Variants in TG observed in about 807,000 individuals in gnomAD.
TG encodes thyroid hormones.
TG carries 270 observed loss-of-function variants against 324.7 expected under a neutral mutation model. That is an observed-to-expected ratio of 0.83 (90% CI 0.75 to 0.92). TG has a LOEUF of 0.92. TG is among the 40% of genes least tolerant of loss of function. The pLI is 0.00. For missense variants in TG, 3,591 were observed against 3,456.4 expected (o/e 1.04, Z -0.98); for synonymous variants, 1,401 against 1,327.0 (o/e 1.06, Z -1.21).
intron 43 of TG, among the ~76,000 whole-genome samples, chr8:133,112,989 A>G (rs1850386751): frequency 6.6e-6 from 1 of 152,174 alleles, no homozygotes; most frequent in African/African-American, 2.4e-5. Flanking sequence ...GAGTCCATGA[A>G]TGAAACTGAA....
chr8:133,079,384 G>A (rs1228894451), intron 41 of TG, among the ~76,000 whole-genome samples: 1 of 152,204 alleles, frequency 6.6e-6, no homozygotes, highest in South Asian at 2.1e-4. Context: ...CTACGCTGTG[G>A]TCATCACCTT....
intron 43 of TG, among the ~76,000 whole-genome samples, chr8:133,097,081 C>G (rs1387619635): frequency 6.6e-6 from 1 of 152,212 alleles, no homozygotes; most frequent in Non-Finnish European, 1.5e-5. Flanking sequence ...ACAGGGAAGC[C>G]CAGTGTGCAT....
At chr8:132,935,917 G>C (rs930792965) in intron 25 of TG, 53 bp downstream of exon 25, 3 of 1,429,082 alleles carry the variant, frequency 2.1e-6, no homozygotes, top group Non-Finnish European at 2.9e-6. Flanking sequence ...ACACGGTCAT[G>C]TTTGGAGCTG....
Position 133,019,648 on chromosome 8 carries a change from G to T in TG, c.6829G>T (p.Val2277Phe). ...PGTRTSTSPGVSEDCLYLNVF... is the reference protein window; with the variant it reads ...PGTRTSTSPGFSEDCLYLNVF... ...CACCAGAACATCCACGTCTCCTGGA[G>T]TCAGTGAAGATTGTTTGTATCTCAA... The change falls in exon 39 of 48, where the codon GTC becomes TTC. Residue 2277 changes from valine (V) to phenylalanine (F), a missense_variant. Transcript: ENST00000220616. 1 of 1,613,876 alleles carries T rather than the reference G, an allele frequency of 6.2e-7. No homozygotes were observed. The highest frequency in any genetic ancestry group is 1.1e-5 in the South Asian group (1 of 91,052).
intron 3 of TG, among the ~76,000 whole-genome samples, chr8:132,871,147 C>T (rs1356536942): frequency 2.6e-5 from 4 of 152,174 alleles, no homozygotes; most frequent in East Asian, 3.9e-4. Flanking sequence ...GTGGCACCAG[C>T]GAGATCAGCC....
chr8:132,994,324 C>T (rs1488373368), intron 35 of TG, among the ~76,000 whole-genome samples: 1 of 152,102 alleles, frequency 6.6e-6, no homozygotes, highest in Admixed American at 6.5e-5. Flanking sequence ...ATATCTTTTT[C>T]AGGGGTGTTC....
intron 43 of TG, chr8:133,102,400 C>T: frequency 1.6e-6 from 1 of 635,664 alleles, no homozygotes; most frequent in Non-Finnish European, 2.8e-6. Flanking sequence ...AGCTACTCAC[C>T]ACCAGCAGAG....
chr8:132,935,033 A>T lies in TG; in HGVS notation c.4933-723A>T, dbSNP rs185047604. ...ATAACTGACAGTCCAAAAATTACTG[A>T]ATTACTGAACCTAGTTCTGAAAACA... On this transcript the variant is annotated intron_variant, in intron 24 of 47. Coordinates refer to ENST00000220616, the MANE Select transcript of TG (RefSeq NM_003235.5). Among the ~76,000 whole-genome samples, 236 of 152,168 alleles carry T rather than the reference A, an allele frequency of 1.6e-3. 1 individual carries two copies. Among genetic ancestry groups the T allele is most frequent in the Non-Finnish European group, 7.9e-4 (54 of 68,006 alleles).
chr8:133,090,745 G>C (rs1847373817), intron 41 of TG, among the ~76,000 whole-genome samples: 1 of 152,130 alleles, frequency 6.6e-6, no homozygotes, highest in East Asian at 1.9e-4. Flanking sequence ...CATTTTACAG[G>C]TTAGGAACTG....
chr8:132,971,902 T>G (rs1829574737), intron 33 of TG, 29 bp downstream of exon 33: 1 of 1,419,486 alleles, frequency 7.0e-7, no homozygotes, highest in Admixed American at 1.7e-5. Flanking sequence ...TCCTCTCCCC[T>G]GCGCACAGTA....
intron 40 of TG, among the ~76,000 whole-genome samples, chr8:133,023,028 T>G (rs1047286869): frequency 3.9e-5 from 6 of 152,240 alleles, no homozygotes; most frequent in Non-Finnish European, 7.3e-5. Context: ...GGATAGTGAC[T>G]GCTTCATCTC....
intron 41 of TG, among the ~76,000 whole-genome samples, chr8:133,051,372 G>A (rs527593945): frequency 6.6e-5 from 10 of 152,240 alleles, no homozygotes; most frequent in African/African-American, 2.2e-4. Context: ...CCAATGCCTC[G>A]GGTGTCCACT....
chr8:133,104,213 TGAA>T (rs1198197509), intron 43 of TG, among the ~76,000 whole-genome samples: 1 of 152,050 alleles, frequency 6.6e-6, no homozygotes, highest in Non-Finnish European at 1.5e-5. Flanking sequence ...GTCAGAGGGA[TGAA>T]GAAGACCAGT....
intron 5 of TG, among the ~76,000 whole-genome samples, chr8:132,874,048 T>A (rs1839741833): frequency 6.6e-6 from 1 of 152,126 alleles, no homozygotes; most frequent in South Asian, 2.1e-4. Flanking sequence ...GGTGCACACC[T>A]GTAGTCCCAG....
intron 41 of TG, among the ~76,000 whole-genome samples, chr8:133,071,434 TC>T (rs1266683672): frequency 6.6e-6 from 1 of 152,130 alleles, no homozygotes; most frequent in Non-Finnish European, 1.5e-5. Flanking sequence ...AAAGCAGAGC[TC>T]TCCTTTTTTC....
intron 18 of TG, among the ~76,000 whole-genome samples, chr8:132,911,158 C>G (rs1176956670): frequency 6.6e-6 from 1 of 152,182 alleles, no homozygotes; most frequent in Non-Finnish European, 1.5e-5. Context: ...TCCACTTATA[C>G]TTCTGTACAC....
chr8:133,055,361 GCGCGCACACACACACACA>G (rs200667340), intron 41 of TG, among the ~76,000 whole-genome samples: 39,480 of 131,540 alleles, frequency 0.3, 5,320 homozygotes, highest in Non-Finnish European at 0.32. Flanking sequence ...ACACACGCAC[GCGCGCACACACACACACA>G]CACACACACA....
intron 46 of TG, 35 bp downstream of exon 46, chr8:133,131,981 T>C (rs201850849): frequency 5.5e-5 from 89 of 1,613,648 alleles, no homozygotes; most frequent in South Asian, 3.7e-4. Flanking sequence ...ATTCTGTCAC[T>C]GTGCTTTTCC....
intron 27 of TG, 111 bp downstream of exon 27, chr8:132,949,054 G>GAAAA: frequency 9.8e-6 from 7 of 712,020 alleles, no homozygotes; most frequent in South Asian, 1.7e-5. Context: ...TTATACTTCT[G>GAAAA]AAAAAAAAAA....
Sources: gnomAD v4.1 joint callset for allele counts (sites outside exome capture counted in the v4.1 genomes callset) on GRCh38, gnomAD v4.1.1 for gene constraint, MANE v1.5 for transcripts, NCBI Gene and HGNC (gene_info 2026-07-23, HGNC 2026-07-21) for gene names.